GET1: variants seen among roughly 807,000 people sequenced by gnomAD.
GET1 encodes guided entry of tail-anchored proteins factor 1.
In GET1, 20 loss-of-function variants were observed where a neutral mutation model predicts 22.6. The ratio of observed to expected loss-of-function variants is 0.89; its 90% CI spans 0.62 to 1.29. GET1 has a LOEUF of 1.29. Among genes scored for constraint, GET1 ranks in the 50% most tolerant of loss-of-function variants. The pLI is 0.00. For missense variants in GET1, 209 were observed against 219.9 expected (o/e 0.95, Z 0.31); for synonymous variants, 92 against 83.8 (o/e 1.10, Z -0.53).
At chr21:39,390,197 G>A (rs1052642310) in intron 1 of GET1, among the ~76,000 whole-genome samples, 1 of 152,122 alleles carries the variant, frequency 6.6e-6, no homozygotes, top group African/African-American at 2.4e-5. Flanking sequence ...ACCCATGCTG[G>A]AGTCACCTCA....
chr21:39,408,382 C>A (rs1040013581), downstream of GET1, among the ~76,000 whole-genome samples: 6 of 152,146 alleles, frequency 3.9e-5, no homozygotes, highest in Non-Finnish European at 8.8e-5. Flanking sequence ...AAGAGGAGGA[C>A]TTGGCTTAGG....
chr21:39,428,134 C>T (rs754117598), intron 1 of GET1: 1 of 1,194,308 alleles, frequency 8.4e-7, no homozygotes, highest in Non-Finnish European at 1.2e-6. Flanking sequence ...ATCATTATGA[C>T]AGAAATTTGG....
chr21:39,424,558 G>A (rs1177744032), intron 1 of GET1, among the ~76,000 whole-genome samples: 1 of 152,122 alleles, frequency 6.6e-6, no homozygotes, highest in Non-Finnish European at 1.5e-5. Flanking sequence ...TAAACTAAAT[G>A]CTTTCTGTAG....
intron 1 of GET1, chr21:39,420,893 A>C (rs561989256): frequency 6.9e-7 from 1 of 1,445,958 alleles, no homozygotes; most frequent in East Asian, 2.3e-5. Context: ...TAGTATGTTA[A>C]AAACTTCAAT....
chr21:39,416,941 CCT>C (rs1417344024), intron 1 of GET1, among the ~76,000 whole-genome samples: 8 of 152,152 alleles, frequency 5.3e-5, no homozygotes, highest in African/African-American at 1.4e-4. Context: ...GTCAGCGTTC[CCT>C]GTCTGCAGGT....
chr21:39,414,713 C>CCTCTCTCTCTCT (rs147915021), intron 1 of GET1, among the ~76,000 whole-genome samples: 1 of 119,882 alleles, frequency 8.3e-6, no homozygotes, highest in African/African-American at 3.3e-5. Context: ...TGGTTCTCTC[C>CCTCTCTCTCTCT]CTCTCTCTCT....
chr21:39,380,935 G>GCC, intron 1 of GET1: 19 of 187,938 alleles, frequency 1.0e-4, no homozygotes, highest in Non-Finnish European at 1.7e-4. Flanking sequence ...GGTAGGGTGG[G>GCC]AGACAGGTGT....
At chr21:39,424,021 AT>A (rs201750599) in intron 1 of GET1, among the ~76,000 whole-genome samples, 2 of 150,854 alleles carry the variant, frequency 1.3e-5, no homozygotes, top group African/African-American at 4.9e-5. Context: ...GTTTATTTTT[AT>A]TTTTTTTTGA....
At position 39,411,784 on chromosome 21, in the gene GET1, C is replaced by G; in HGVS notation, c.*23+847C>G. On this transcript the variant is annotated intron_variant, in intron 1 of 1. Transcript: ENST00000478273. ...CGATGACTATAGATGTTTTTAATTT[C>G]AAGCTCACGATCCTTTTCCTAAAAA... 2 of 1,586,408 alleles carry G rather than the reference C, an allele frequency of 1.3e-6. No homozygotes were observed. The highest frequency in any genetic ancestry group is 1.7e-6 in the Non-Finnish European group (2 of 1,161,982).
intron 1 of GET1, among the ~76,000 whole-genome samples, chr21:39,418,222 T>G (rs1474798416): frequency 6.6e-6 from 1 of 152,168 alleles, no homozygotes; most frequent in Non-Finnish European, 1.5e-5. Context: ...AAGATGAGAT[T>G]TGGGTGGGGA....
chr21:39,396,482 C>T (rs949043490), intron 4 of GET1, among the ~76,000 whole-genome samples: 2 of 151,314 alleles, frequency 1.3e-5, no homozygotes, highest in East Asian at 2.0e-4. Context: ...GAGCCAAGAT[C>T]GCGCCACTGT....
chr21:39,418,625 C>T (rs1461519603), intron 1 of GET1, among the ~76,000 whole-genome samples: 2 of 152,058 alleles, frequency 1.3e-5, no homozygotes, highest in African/African-American at 4.8e-5. Context: ...CTCAGCCTCC[C>T]AAGTAATGGG....
chr21:39,419,437 A>G (rs994035523), intron 1 of GET1, among the ~76,000 whole-genome samples: 2 of 151,240 alleles, frequency 1.3e-5, no homozygotes, highest in African/African-American at 4.9e-5. Context: ...AGGTGGGAAG[A>G]TCACTTTAGC....
downstream of GET1, among the ~76,000 whole-genome samples, chr21:39,398,259 C>T (rs1049492235): frequency 8.5e-5 from 13 of 152,168 alleles, no homozygotes; most frequent in Non-Finnish European, 1.8e-4. Context: ...GGAACTAGTC[C>T]TTCAGACGAA....
intron 1 of GET1, among the ~76,000 whole-genome samples, chr21:39,385,891 C>G (rs1469090057): frequency 6.6e-6 from 1 of 152,058 alleles, no homozygotes. Flanking sequence ...GGCTCAGAGT[C>G]TATGCAAACC....
At chr21:39,402,594 T>C (rs756886912), downstream of GET1, among the ~76,000 whole-genome samples, 5 of 152,226 alleles carry the variant, frequency 3.3e-5, no homozygotes, top group African/African-American at 9.6e-5. Flanking sequence ...TGCTTACTTA[T>C]CTCCTTGGGT....
chr21:39,423,581 G>T, intron 1 of GET1: 1 of 1,109,590 alleles, frequency 9.0e-7, no homozygotes, highest in Non-Finnish European at 1.3e-6. Flanking sequence ...ATGCCCCCAT[G>T]CACACACACC....
rs80329269 is a variant in GET1 at position 39,428,447 on chromosome 21, A to G, written c.*239A>G. On this transcript the variant is annotated 3_prime_UTR_variant, in exon 2 of 2. Transcript: ENST00000478273. ...CCTATTGTTTTCTAATGCCACGCCG[A>G]AGAAATGCTCATCTATATTTGTTTT... is the stretch of plus-strand genomic sequence containing the variant. 3,223 of 1,611,358 alleles carry G rather than the reference A, an allele frequency of 2.0e-3. 69 individuals are homozygous for G. In the African/African-American group the frequency reaches 0.035, roughly 18 times the overall value.
At chr21:39,405,773 TA>T in intron 4 of GET1, 2 of 797,686 alleles carry the variant, frequency 2.5e-6, no homozygotes, top group Non-Finnish European at 3.6e-6. Context: ...AATTAAGTAC[TA>T]AAACACACAC....
Sources: allele counts gnomAD v4.1 joint callset (sites outside exome capture counted in the v4.1 genomes callset), GRCh38; gene constraint gnomAD v4.1.1; transcripts MANE v1.5; gene names NCBI Gene and HGNC (gene_info 2026-07-23, HGNC 2026-07-21).